The following SCLY variants were observed in gnomAD, a reference collection of about 807,000 sequenced individuals.
SCLY encodes selenocysteine lyase.
SCLY carries 38 observed loss-of-function variants against 50.1 expected under a neutral mutation model. The ratio of observed to expected loss-of-function variants is 0.76; its 90% CI spans 0.59 to 0.99. SCLY has a LOEUF of 0.99. Ranked by LOEUF, SCLY falls within the 50% of genes least tolerant of loss-of-function variation. The pLI is 0.00. For synonymous variants in SCLY, 243 were observed against 249.4 expected (o/e 0.97, Z 0.24); for missense variants, 600 against 620.0 (o/e 0.97, Z 0.34).
rs559700521 is a variant in SCLY at position 238,091,637 on chromosome 2, G to A, written c.921+383G>A. The A allele has an allele frequency of 1.3e-4, 31 of 235,674 alleles. No individual in the cohort carries two copies. In the South Asian group the frequency reaches 1.6e-3, roughly 12 times the overall value. The allele number at this position is 235,674 out of a possible 1,614,324, so 14.6% of individuals were successfully genotyped here. ...GTGGCCAATCCAGCACCTGCCACCA[G>A]CCCTCCACTGGGGCCTGTCCTGCTT... On this transcript the variant is annotated intron_variant, in intron 8 of 11. Transcript: ENST00000254663.
rs1279984930 is a variant in SCLY, at chr2:238,067,810, A to G, written c.203-255A>G. ...GGGGGACGTCCAGGTTCATAGCCAGACTCCCTTACTTGTTTCTGGGTCTCA... is the reference window on the plus strand; with the variant it reads ...GGGGGACGTCCAGGTTCATAGCCAGGCTCCCTTACTTGTTTCTGGGTCTCA... On this transcript the variant is annotated intron_variant, in intron 2 of 11. Coordinates refer to ENST00000254663, the MANE Select transcript of SCLY (RefSeq NM_016510.7). This position sits in a 1 kb window ranked among gnomAD's most constrained non-coding sequence, Gnocchi z 4.3. 6.6e-6 allele frequency among the ~76,000 whole-genome samples: 1 copy of G among 151,444 alleles called. No individual in the cohort carries two copies. The highest frequency in any genetic ancestry group is 1.5e-5 in the Non-Finnish European group (1 of 67,880).
intron 4 of SCLY, among the ~76,000 whole-genome samples, chr2:238,076,006 T>C (rs1233072718): frequency 6.6e-6 from 1 of 151,038 alleles, no homozygotes; most frequent in Admixed American, 6.6e-5. Flanking sequence ...CAGGCATAAA[T>C]GGGTTCTTTC....
At chr2:238,073,410 T>C (rs193252279) in intron 4 of SCLY, among the ~76,000 whole-genome samples, 4 of 152,354 alleles carry the variant, frequency 2.6e-5, no homozygotes, top group Admixed American at 1.3e-4. Flanking sequence ...AGGAGTTTGA[T>C]AGGGATTGAA....
chr2:238,091,777 T>A (rs1211235078), intron 8 of SCLY: 1 of 163,454 alleles, frequency 6.1e-6, no homozygotes, highest in Admixed American at 5.9e-5. Flanking sequence ...GCCACCACCT[T>A]CAAGCAACCC....
At chr2:238,068,270 C>A in intron 3 of SCLY, 105 bp downstream of exon 3, 1 of 882,380 alleles carries the variant, frequency 1.1e-6, no homozygotes, top group Non-Finnish European at 1.7e-6. Flanking sequence ...AAGAGTAGGC[C>A]AAGTGTGGTG....
chr2:238,091,530 GTGT>G, intron 8 of SCLY: 1 of 433,488 alleles, frequency 2.3e-6, no homozygotes. Context: ...CAGAGGTGAA[GTGT>G]CAAGCTGCAG....
chr2:238,091,561 G>GACT, intron 8 of SCLY: 5 of 302,698 alleles, frequency 1.7e-5, no homozygotes, highest in Admixed American at 4.8e-5. Context: ...ATTCCCAAAG[G>GACT]CGTCGGCAGC....
In SCLY at chr2:238,069,918, A is replaced by G. The variant is rs1407161577; in HGVS notation, c.484+441A>G. The G allele has an allele frequency of 2.6e-5, 4 of 153,862 alleles. No individual in the cohort carries two copies. Among genetic ancestry groups the G allele is most frequent in the Non-Finnish European group, 5.8e-5 (4 of 69,240 alleles). 9.5% of individuals were successfully genotyped at this position (153,862 alleles called of 1,614,324 possible). On this transcript the variant is annotated intron_variant, in intron 4 of 11. Coordinates refer to ENST00000254663, the MANE Select transcript of SCLY (RefSeq NM_016510.7). The surrounding 1 kb of genome is among the most constrained non-coding windows in gnomAD (Gnocchi z 5.0). ...ATCTCAGCTCCCACTCTCCTCTCAC[A>G]TGAAGGAAAAGGATCAAATAGACCT...
chr2:238,064,299 T>C, intron 1 of SCLY, 58 bp from the exon 2 acceptor site: 1 of 1,119,330 alleles, frequency 8.9e-7, no homozygotes. Flanking sequence ...AGAGCAGCCA[T>C]ATTTCCCATA....
intron 11 of SCLY, among the ~76,000 whole-genome samples, chr2:238,097,714 G>A (rs1360206797): frequency 2.0e-5 from 3 of 152,078 alleles, no homozygotes; most frequent in Non-Finnish European, 4.4e-5. Flanking sequence ...CCCACATCTC[G>A]AGCCTCCAAC....
intron 11 of SCLY, among the ~76,000 whole-genome samples, chr2:238,097,640 T>C (rs575624500): frequency 2.1e-3 from 320 of 151,606 alleles, no homozygotes; most frequent in South Asian, 0.016. Context: ...GACAGTGCCC[T>C]GCTGCAGGAG....
At position 238,081,789 on chromosome 2, in the gene SCLY, C is replaced by T. The variant is rs113431478; in HGVS notation, c.565C>T (p.Arg189Cys). The change falls in exon 5 of 12, where the codon CGC becomes TGC. Residue 189 changes from arginine (R) to cysteine (C), a missense_variant. Transcript: ENST00000254663. ...DILAAVRPTT[R>C]LVTIMLANNE... is the part of the protein sequence containing the mutation. ...CCTCGCGGCAGTCCGCCCGACCACA[C>T]GCCTCGTGACCATCATGCTGGCCAA... The T allele has an allele frequency of 3.0e-5, 48 of 1,614,168 alleles. No homozygotes were observed. The African/African-American group carries it at 3.2e-4, about 11-fold the overall frequency.
At chr2:238,080,859 C>G (rs2065230151) in intron 4 of SCLY, 1 of 152,278 alleles carries the variant, frequency 6.6e-6, no homozygotes. Context: ...CCACTGGATA[C>G]TTTCAGATTG....
Position 238,094,452 on chromosome 2 carries a change from T to C in SCLY, c.1038T>C (p.Asn346=). 2 of 1,614,214 alleles carry C rather than the reference T, an allele frequency of 1.2e-6. No individual in the cohort carries two copies. The highest frequency in any genetic ancestry group is 1.7e-6 in the Non-Finnish European group (2 of 1,180,008). The change falls in exon 10 of 12, where the codon AAT becomes AAC. Residue 346 remains asparagine, a synonymous_variant. Transcript: ENST00000254663. ...AEFGQKRIHL[N]SQFPGTQRLP... ...TCGGTCAGAAGAGAATCCATCTGAA[T>C]AGCCAGTTTCCAGGCACCCAGCGGC...
intron 2 of SCLY, 35 bp from the exon 3 acceptor site, chr2:238,068,030 G>C (rs1200770057): frequency 1.4e-5 from 21 of 1,481,388 alleles, no homozygotes; most frequent in African/African-American, 2.8e-5. Flanking sequence ...GCTTGGTGAA[G>C]CAATGTTAAT....
intron 8 of SCLY, chr2:238,093,069 A>G (rs1217061200): frequency 6.5e-6 from 1 of 152,756 alleles, no homozygotes; most frequent in Non-Finnish European, 1.5e-5. Flanking sequence ...TCACCTCTGA[A>G]GTCCGGGGGA....
intron 4 of SCLY, chr2:238,080,359 T>A (rs933740185): frequency 2.6e-5 from 4 of 152,300 alleles, no homozygotes; most frequent in African/African-American, 9.6e-5. Context: ...CATCCTGGTT[T>A]TTCCTCAGGC....
At chr2:238,064,295 G>A in intron 1 of SCLY, 62 bp from the exon 2 acceptor site, 1 of 1,066,504 alleles carries the variant, frequency 9.4e-7, no homozygotes, top group Non-Finnish European at 1.4e-6. Flanking sequence ...ACACAGAGCA[G>A]CCATATTTCC....
intron 7 of SCLY, among the ~76,000 whole-genome samples, chr2:238,090,506 G>A (rs973324272): frequency 5.3e-5 from 8 of 152,120 alleles, no homozygotes; most frequent in African/African-American, 9.7e-5. Context: ...TGGGCATGGC[G>A]GCACATGCCT....
Sources: gnomAD v4.1 joint callset for allele counts (sites outside exome capture counted in the v4.1 genomes callset) on GRCh38, gnomAD v4.1.1 for gene constraint, Gnocchi (gnomAD v3.1) non-coding constraint, MANE v1.5 for transcripts, NCBI Gene and HGNC (gene_info 2026-07-23, HGNC 2026-07-21) for gene names.